Variants in ZMYM2 observed in about 807,000 individuals in gnomAD.
ZMYM2 encodes zinc finger MYM-type protein 2.
Under a neutral mutation model 162.8 loss-of-function variants are expected in ZMYM2, and 56 were observed. That is an observed-to-expected ratio of 0.34 (90% CI 0.28 to 0.43). The LOEUF is 0.43. ZMYM2 is among the 20% of genes least tolerant of loss of function. The probability of loss-of-function intolerance (pLI) is 1.00; values close to 1 mark genes in which losing one functional copy is unlikely to be tolerated. For missense variants in ZMYM2, 1,275 were observed against 1,621.8 expected (o/e 0.79, Z 3.67); for synonymous variants, 510 against 541.6 (o/e 0.94, Z 0.81).
At chr13:20,012,164 C>T (rs557192557) in intron 6 of ZMYM2, among the ~76,000 whole-genome samples, 9 of 151,616 alleles carry the variant, frequency 5.9e-5, no homozygotes, top group African/African-American at 1.9e-4. Context: ...AAATTACAGG[C>T]GTGAGCCTCC....
chr13:20,069,605 T>TAC, intron 21 of ZMYM2, among the ~76,000 whole-genome samples: 1 of 152,182 alleles, frequency 6.6e-6, no homozygotes. Flanking sequence ...CTTCTCCTAT[T>TAC]AATAATGGTA....
chr13:19,971,256 ATATATATTTT>A (rs200012055), intron 2 of ZMYM2, among the ~76,000 whole-genome samples: 1 of 99,502 alleles, frequency 1.0e-5, no homozygotes, highest in African/African-American at 3.4e-5. Flanking sequence ...ATATATATAT[ATATATATTTT>A]TTTTTTTTTT....
rs183728738 is a variant in ZMYM2 at position 20,051,462 on chromosome 13, A to G, written c.2322A>G (p.Gln774=). The stretch of plus-strand genomic sequence containing the variant: ...CAAGGTGTGACTGTTGTAAATCTCA[A>G]GGAACTCTTAAAGAGCGAGTTCAGT... ...KAARCDCCKS[Q]GTLKERVQWR... Residue 774 remains glutamine (Q), a synonymous_variant, in exon 13 of 25, where the codon CAA becomes CAG. Transcript: ENST00000610343. 2.5e-6 allele frequency: 4 copies of G among 1,613,174 alleles called. No homozygotes were observed. The highest frequency in any genetic ancestry group is 1.7e-5 in the Admixed American group (1 of 59,872).
intron 2 of ZMYM2, among the ~76,000 whole-genome samples, chr13:19,983,568 CT>C (rs1566214500): frequency 6.6e-6 from 1 of 152,096 alleles, no homozygotes; most frequent in Non-Finnish European, 1.5e-5. Context: ...AATGATAATG[CT>C]TTTAATAATT....
At chr13:20,001,738 A>G (rs1022161056) in intron 3 of ZMYM2, among the ~76,000 whole-genome samples, 3 of 152,244 alleles carry the variant, frequency 2.0e-5, no homozygotes, top group African/African-American at 7.2e-5. Flanking sequence ...GCCACAGCCA[A>G]TTGGCAGCCA....
In ZMYM2 at chr13:20,037,081, G is replaced by A. The variant is rs75747995; in HGVS notation, c.2292+172G>A. The stretch of plus-strand genomic sequence containing the variant: ...TTGTCATTTCTGCTTGTTTGAAGTA[G>A]CATTTTTATCTCTTTTTTTAATAAC... On this transcript the variant is annotated intron_variant, in intron 12 of 24. Transcript: ENST00000610343. 7.6e-3 allele frequency among the ~76,000 whole-genome samples: 1,147 copies of A among 151,910 alleles called. 9 individuals are homozygous for A. Among genetic ancestry groups the A allele is most frequent in the South Asian group, 0.027 (129 of 4,814 alleles).
At chr13:20,067,217 T>C in intron 20 of ZMYM2, 22 bp from the exon 21 acceptor site, 1 of 1,514,374 alleles carries the variant, frequency 6.6e-7, no homozygotes, top group Non-Finnish European at 8.9e-7. Flanking sequence ...TAACAATTAT[T>C]TTTTATTTTA....
At chr13:19,933,704 C>T in the ZMYM2 span, among the ~76,000 whole-genome samples, 6 of 152,248 alleles carry the variant, frequency 3.9e-5, no homozygotes, top group African/African-American at 1.4e-4. Context: ...GCTGTCCTGG[C>T]CCTTCAGAGT....
chr13:19,907,044 A>G, the ZMYM2 span, among the ~76,000 whole-genome samples: 1 of 151,720 alleles, frequency 6.6e-6, no homozygotes, highest in East Asian at 1.9e-4. Flanking sequence ...TGTTTCTTTT[A>G]CCTCTTGTTC....
the ZMYM2 span, among the ~76,000 whole-genome samples, chr13:19,871,864 C>T: frequency 6.6e-6 from 1 of 152,046 alleles, no homozygotes; most frequent in Admixed American, 6.6e-5. Flanking sequence ...GACTGCAATG[C>T]ACAAAGGAAA....
the ZMYM2 span, among the ~76,000 whole-genome samples, chr13:19,884,521 C>T: frequency 6.6e-6 from 1 of 151,842 alleles, no homozygotes; most frequent in African/African-American, 2.4e-5. Flanking sequence ...TGCAGTGAGC[C>T]AAGATCGCGC....
At chr13:19,887,074 A>G in the ZMYM2 span, among the ~76,000 whole-genome samples, 11 of 151,998 alleles carry the variant, frequency 7.2e-5, no homozygotes, top group East Asian at 1.2e-3. Context: ...AGGTTTAATC[A>G]TATTACGATG....
Position 20,067,409 on chromosome 13 carries a change from G to A in ZMYM2, c.3453+19G>A. On this transcript the variant is annotated intron_variant, in intron 21 of 24. Transcript: ENST00000610343. Reference sequence around the variant, plus strand: ...ACAGGAGGTTAGTAATTTGATGGCTGCTTTCAAGTATAACATTAATAAGAA... The same window carrying A: ...ACAGGAGGTTAGTAATTTGATGGCTACTTTCAAGTATAACATTAATAAGAA... 1 of 1,583,988 alleles carries A rather than the reference G, an allele frequency of 6.3e-7. No individual in the cohort carries two copies. The highest frequency in any genetic ancestry group is 8.6e-7 in the Non-Finnish European group (1 of 1,160,132).
chr13:20,013,551 T>G (rs145942033), intron 6 of ZMYM2, among the ~76,000 whole-genome samples: 2 of 152,378 alleles, frequency 1.3e-5, no homozygotes, highest in Non-Finnish European at 2.9e-5. Flanking sequence ...TTGAGTCTGA[T>G]GTTAGAATGG....
intron 3 of ZMYM2, among the ~76,000 whole-genome samples, chr13:20,002,063 C>G (rs1233905336): frequency 6.6e-6 from 1 of 152,182 alleles, no homozygotes; most frequent in East Asian, 1.9e-4. Context: ...TTAATTCCAT[C>G]ATTTCTGTGT....
At chr13:19,919,051 T>C in the ZMYM2 span, among the ~76,000 whole-genome samples, 1 of 152,078 alleles carries the variant, frequency 6.6e-6, no homozygotes, top group South Asian at 2.1e-4. Context: ...TCTTGGCAAA[T>C]CTGTTTTCCA....
chr13:20,031,865 G>GTTTTTTTTTTTTTTTTTTTTTTTTTTTT (rs10642086), intron 10 of ZMYM2, among the ~76,000 whole-genome samples: 1 of 130,274 alleles, frequency 7.7e-6, no homozygotes. Flanking sequence ...TTCTGTAATT[G>GTTTTTTTTTTTTTTTTTTTTTTTTTTTT]TTTTTTTTTT....
chr13:20,024,505 C>T (rs1952402771), intron 7 of ZMYM2: 1 of 220,528 alleles, frequency 4.5e-6, no homozygotes, highest in Non-Finnish European at 9.1e-6. Flanking sequence ...TCTACAGACA[C>T]CTAGTGGGAG....
At chr13:19,984,664 T>C (rs2139568510) in intron 2 of ZMYM2, among the ~76,000 whole-genome samples, 2 of 152,362 alleles carry the variant, frequency 1.3e-5, no homozygotes, top group South Asian at 4.1e-4. Context: ...AATTGGATTG[T>C]CTTTCTTTAA....
Sources: allele counts gnomAD v4.1 joint callset (sites outside exome capture counted in the v4.1 genomes callset), GRCh38; gene constraint gnomAD v4.1.1; transcripts MANE v1.5; gene names NCBI Gene and HGNC (gene_info 2026-07-23, HGNC 2026-07-21).